DERL1: variants seen among roughly 807,000 people sequenced by gnomAD.
DERL1 encodes the protein derlin 1.
In DERL1, 24 loss-of-function variants were observed where a neutral mutation model predicts 41.6. The ratio of observed to expected loss-of-function variants is 0.58; its 90% CI spans 0.42 to 0.81. DERL1 has a LOEUF of 0.81. Ranked by LOEUF, DERL1 falls within the 30% of genes least tolerant of loss-of-function variation. DERL1 has a pLI of 0.00. For missense variants in DERL1, 260 were observed against 314.3 expected, an observed-to-expected ratio of 0.83 and a Z score of 1.31; for synonymous variants, 124 against 112.5, an observed-to-expected ratio of 1.10 and a Z score of -0.65.
At chr8:123,023,799 A>C (rs1812620640) in intron 3 of DERL1, 60 bp from the exon 4 acceptor site, 2 of 1,567,028 alleles carry the variant, frequency 1.3e-6, no homozygotes, top group Non-Finnish European at 1.7e-6. Flanking sequence ...GTCAAGACTG[A>C]TGTGGTTATT....
At chr8:123,023,546 C>T (rs996742401) in intron 4 of DERL1, among the ~76,000 whole-genome samples, 167 bp downstream of exon 4, 2 of 151,592 alleles carry the variant, frequency 1.3e-5, no homozygotes, top group African/African-American at 4.9e-5. Flanking sequence ...CACAGCAAGA[C>T]TCCATCTCAT....
chr8:123,023,687 A>C, intron 4 of DERL1, 26 bp downstream of exon 4: 1 of 1,602,094 alleles, frequency 6.2e-7, no homozygotes, highest in East Asian at 2.3e-5. Context: ...TAAAAGGGCA[A>C]ATAGATAGTT....
At chr8:123,021,562 G>A (rs1048727901) in intron 5 of DERL1, 63 bp from the exon 6 acceptor site, 85 of 1,449,690 alleles carry the variant, frequency 5.9e-5, no homozygotes, top group African/African-American at 3.8e-4. Context: ...CAGCTACTAC[G>A]GGGACTAAAG....
At chr8:123,022,865 T>C (rs1812597960) in intron 4 of DERL1, 86 bp from the exon 5 acceptor site, 1 of 1,008,664 alleles carries the variant, frequency 9.9e-7, no homozygotes, top group Admixed American at 1.8e-5. Flanking sequence ...CCCCTCCTCT[T>C]CACAACAATC....
At chr8:123,019,548 CT>C (rs1814701635) in intron 6 of DERL1, among the ~76,000 whole-genome samples, 1 of 152,200 alleles carries the variant, frequency 6.6e-6, no homozygotes, top group Admixed American at 6.5e-5. Flanking sequence ...TCTGACCTCT[CT>C]TTCAAGCACC....
intron 1 of DERL1, among the ~76,000 whole-genome samples, chr8:123,033,850 C>G (rs1461221610): frequency 6.6e-6 from 1 of 152,150 alleles, no homozygotes; most frequent in African/African-American, 2.4e-5. Flanking sequence ...GGCTGGCACC[C>G]CCACCAGAAC....
intron 1 of DERL1, among the ~76,000 whole-genome samples, chr8:123,039,131 T>C (rs1812992936): frequency 6.6e-6 from 1 of 152,188 alleles, no homozygotes; most frequent in South Asian, 2.1e-4. Flanking sequence ...GCCAAGTCTA[T>C]GCCCTTTTCT....
At chr8:123,023,606 A>T in intron 4 of DERL1, 107 bp downstream of exon 4, 1 of 1,000,168 alleles carries the variant, frequency 1.0e-6, no homozygotes, top group Non-Finnish European at 1.5e-6. Context: ...TCAAAATACC[A>T]CATAATTAAC....
Position 123,013,579 on chromosome 8 carries a change from G to A in DERL1, c.*1868C>T, listed in dbSNP as rs534148347. On this transcript the variant is annotated 3_prime_UTR_variant, in exon 8 of 8. Transcript: ENST00000259512. Reference sequence around the variant, plus strand: ...TCAGCTTCCTAACCATGTTTAAGAGGAATAACTTCATGAACATTTTGCCCT... The same window carrying A: ...TCAGCTTCCTAACCATGTTTAAGAGAAATAACTTCATGAACATTTTGCCCT... 6.6e-6 allele frequency: 1 copy of A among 152,168 alleles called. No individual in the cohort carries two copies. The highest frequency in any genetic ancestry group is 1.9e-4 in the East Asian group (1 of 5,182). 9.4% of individuals were successfully genotyped at this position (152,168 alleles called of 1,614,324 possible).
intron 2 of DERL1, among the ~76,000 whole-genome samples, chr8:123,027,094 G>C (rs1812714591): frequency 6.6e-6 from 1 of 151,992 alleles, no homozygotes. Flanking sequence ...TCAGGAGTTT[G>C]AGACCAGCCT....
intron 6 of DERL1, among the ~76,000 whole-genome samples, chr8:123,019,780 T>C (rs1171693353): frequency 6.6e-6 from 1 of 152,224 alleles, no homozygotes; most frequent in Non-Finnish European, 1.5e-5. Context: ...TTGCCTCTTG[T>C]ATCCTTGAGT....
intron 1 of DERL1, among the ~76,000 whole-genome samples, chr8:123,035,623 G>A (rs563214575): frequency 6.6e-6 from 1 of 152,272 alleles, no homozygotes; most frequent in South Asian, 2.1e-4. Context: ...TCAAGGCCAG[G>A]CCCATAATGA....
chr8:123,021,234 TAA>T (rs1423895636), intron 6 of DERL1, among the ~76,000 whole-genome samples: 9 of 152,190 alleles, frequency 5.9e-5, no homozygotes, highest in Admixed American at 1.3e-4. Context: ...TGTGTAACAA[TAA>T]GTTAACAAAA....
intron 2 of DERL1, among the ~76,000 whole-genome samples, chr8:123,027,327 G>A (rs1666379503): frequency 6.9e-6 from 1 of 145,338 alleles, no homozygotes. Flanking sequence ...AAATTTAGTG[G>A]TCTCCTAAGG....
intron 3 of DERL1, among the ~76,000 whole-genome samples, chr8:123,024,404 C>T (rs1266417450): frequency 6.6e-6 from 1 of 152,134 alleles, no homozygotes; most frequent in Non-Finnish European, 1.5e-5. Context: ...TTTGAGCTCA[C>T]CAATTTTGCA....
In DERL1 at chr8:123,022,733, T is replaced by C; in HGVS notation, c.404A>G (p.Gln135Arg). The change falls in exon 5 of 8, where the codon CAG (glutamine) becomes CGG (arginine). Residue 135 changes from glutamine (Q) to arginine (R), a missense_variant. Coordinates refer to ENST00000259512, the MANE Select transcript of DERL1 (RefSeq NM_024295.6). ...LIMSVLYVWA[Q>R]LNRDMIVSFW... ...TGATACAATCATGTCTCTGTTCAGC[T>C]GGGCCCAGACATAAAGTACTGACAT... 2 of 1,614,134 alleles carry C rather than the reference T, an allele frequency of 1.2e-6. No individual in the cohort carries two copies. The highest frequency in any genetic ancestry group is 1.7e-6 in the Non-Finnish European group (2 of 1,180,006).
At chr8:123,036,755 G>C (rs1179807662) in intron 1 of DERL1, among the ~76,000 whole-genome samples, 2 of 152,120 alleles carry the variant, frequency 1.3e-5, no homozygotes, top group African/African-American at 4.8e-5. Context: ...AACCTTGATG[G>C]ATATAGAACT....
chr8:123,015,707 G>A (rs1466250354), intron 7 of DERL1, 122 bp from the exon 8 acceptor site: 7 of 1,260,602 alleles, frequency 5.6e-6, no homozygotes, highest in Non-Finnish European at 7.4e-6. Flanking sequence ...CATGTTGAAG[G>A]CAGCGAGGGA....
At chr8:123,030,237 A>G (rs1479744532) in intron 2 of DERL1, 1 of 170,474 alleles carries the variant, frequency 5.9e-6, no homozygotes, top group Admixed American at 6.4e-5. Context: ...TAGGAGACAT[A>G]TATACTCCAG....
Sources: allele counts gnomAD v4.1 joint callset (sites outside exome capture counted in the v4.1 genomes callset), GRCh38; gene constraint gnomAD v4.1.1; transcripts MANE v1.5; gene names NCBI Gene and HGNC (gene_info 2026-07-23, HGNC 2026-07-21).